Variants in PPP3CB observed in about 807,000 individuals in gnomAD.
PPP3CB encodes the protein protein phosphatase 3 catalytic subunit beta.
In PPP3CB, 8 loss-of-function variants were observed where a neutral mutation model predicts 66.4. The observed-to-expected ratio is 0.12, with a 90% CI of 0.07 to 0.22. The LOEUF (loss-of-function observed/expected upper bound fraction) is 0.22, where lower values mean the gene tolerates loss of function less well. Among genes scored for constraint, PPP3CB ranks in the 10% least tolerant of loss-of-function variants. The pLI, the probability that PPP3CB is intolerant of heterozygous loss-of-function variation, is 1.00. For synonymous variants in PPP3CB, 208 were observed against 221.2 expected, an observed-to-expected ratio of 0.94 and a Z score of 0.53; for missense variants, 319 against 642.5, an observed-to-expected ratio of 0.50 and a Z score of 5.44.
chr10:73,485,941 TGTGTGTG>T (rs2056966469), intron 1 of PPP3CB, among the ~76,000 whole-genome samples: 2 of 141,432 alleles, frequency 1.4e-5, no homozygotes, highest in Admixed American at 1.5e-4. Context: ...TGTGTGTGTG[TGTGTGTG>T]TGTATTTTTT....
chr10:73,485,447 T>C lies in PPP3CB; in HGVS notation c.86-5930A>G, dbSNP rs142806076. 1.2e-4 allele frequency among the ~76,000 whole-genome samples: 18 copies of C among 152,266 alleles called. No individual in the cohort carries two copies. The East Asian group carries it at 3.5e-3, about 29-fold the overall frequency. On this transcript the variant is annotated intron_variant, in intron 1 of 13. Coordinates refer to ENST00000360663, the MANE Select transcript of PPP3CB (RefSeq NM_021132.4). The stretch of plus-strand genomic sequence containing the variant: ...TAAGCAAGGACTGCCCTCTTAGCCC[T>C]ATGAGGCCTCTGACTTCAACGGGGG...
rs1564547013 is a variant in PPP3CB at position 73,443,282 on chromosome 10, A to AGAC, written c.1366+1442_1366+1443insGTC. ...AGAGAGAGAGAGAAAGAAAGAAAGA[A>AGAC]AGACAGAAAGAAAGAAAGAAAGAAA... is the stretch of plus-strand genomic sequence containing the variant. On this transcript the variant is annotated intron_variant, in intron 12 of 13. Coordinates refer to ENST00000360663, the MANE Select transcript of PPP3CB (RefSeq NM_021132.4). 6.8e-3 allele frequency among the ~76,000 whole-genome samples: 769 copies of AGAC among 112,562 alleles called. 12 individuals are homozygous for AGAC. The highest frequency in any genetic ancestry group is 0.025 in the African/African-American group (729 of 29,670). 73.8% of individuals were successfully genotyped at this position (112,562 alleles called of 152,430 possible). A position where few individuals can be genotyped will look rare whatever the true frequency, so the allele number is the denominator to read the frequency against.
chr10:73,447,873 A>C (rs2056282675), intron 10 of PPP3CB, among the ~76,000 whole-genome samples: 1 of 151,774 alleles, frequency 6.6e-6, no homozygotes, highest in African/African-American at 2.4e-5. Context: ...CAGCACTCTA[A>C]ACAGGTATTT....
intron 13 of PPP3CB, among the ~76,000 whole-genome samples, 200 bp from the exon 14 acceptor site, chr10:73,438,620 C>A (rs970771051): frequency 2.6e-5 from 4 of 152,112 alleles, no homozygotes; most frequent in African/African-American, 7.2e-5. Flanking sequence ...AACATCATAG[C>A]TTTATAGGTG....
At chr10:73,493,820 C>CCA (rs762184196) in intron 1 of PPP3CB, among the ~76,000 whole-genome samples, 6 of 152,168 alleles carry the variant, frequency 3.9e-5, no homozygotes, top group Non-Finnish European at 7.4e-5. Context: ...GGCTTTTATT[C>CCA]CACACCAATA....
At chr10:73,449,687 AT>A in intron 10 of PPP3CB, among the ~76,000 whole-genome samples, 1 of 152,332 alleles carries the variant, frequency 6.6e-6, no homozygotes, top group East Asian at 1.9e-4. Flanking sequence ...GGGTTTATAC[AT>A]TAGTGTTAAT....
chr10:73,471,387 G>T, intron 5 of PPP3CB, 81 bp downstream of exon 5: 1 of 1,440,532 alleles, frequency 6.9e-7, no homozygotes, highest in South Asian at 1.4e-5. Flanking sequence ...TCTTGGCAGT[G>T]AAGTGAAGTT....
At position 73,484,419 on chromosome 10, in the gene PPP3CB, T is replaced by A. The variant is rs555272739; in HGVS notation, c.86-4902A>T. Among the ~76,000 whole-genome samples, 16 of 151,930 alleles carry A rather than the reference T, an allele frequency of 1.1e-4. No individual in the cohort carries two copies. The South Asian group carries it at 3.3e-3, about 32-fold the overall frequency. Reference sequence around the variant, plus strand: ...CCGAGTAGCTGGGACTACAGGCACCTGCCACCACGCCCAGCTAATGTTTTT... The same window carrying A: ...CCGAGTAGCTGGGACTACAGGCACCAGCCACCACGCCCAGCTAATGTTTTT... On this transcript the variant is annotated intron_variant, in intron 1 of 13. Transcript: ENST00000360663.
At chr10:73,485,954 T>TGTGTGTGTGTGTG (rs1564569447) in intron 1 of PPP3CB, among the ~76,000 whole-genome samples, 1 of 87,834 alleles carries the variant, frequency 1.1e-5, no homozygotes, top group East Asian at 1.9e-3. Flanking sequence ...GTGTGTGTAT[T>TGTGTGTGTGTGTG]TTTTTTTTTC....
At chr10:73,477,275 C>A (rs2056805822) in intron 3 of PPP3CB, 1 of 511,376 alleles carries the variant, frequency 2.0e-6, no homozygotes, top group Non-Finnish European at 3.9e-6. Flanking sequence ...CACAATTCTA[C>A]CTCTAGGAAT....
intron 1 of PPP3CB, among the ~76,000 whole-genome samples, chr10:73,485,444 CCCTATGAGG>C (rs2133011212): frequency 6.6e-6 from 1 of 152,268 alleles, no homozygotes; most frequent in Non-Finnish European, 1.5e-5. Flanking sequence ...GCCCTCTTAG[CCCTATGAGG>C]CCTCTGACTT....
At chr10:73,489,870 CT>C (rs1441088123) in intron 1 of PPP3CB, among the ~76,000 whole-genome samples, 1 of 152,168 alleles carries the variant, frequency 6.6e-6, no homozygotes, top group Non-Finnish European at 1.5e-5. Flanking sequence ...TCTAGCCCCA[CT>C]TTCTGGTGAA....
rs16930648 is a variant in PPP3CB, at chr10:73,472,104, G to A, written c.524-491C>T. ...ATTTGCTCTCTCTAAAATTATTCTCGATGATGTTATGTCTTATGAAGCAAA... is the reference window on the plus strand; with the variant it reads ...ATTTGCTCTCTCTAAAATTATTCTCAATGATGTTATGTCTTATGAAGCAAA... On this transcript the variant is annotated intron_variant, in intron 4 of 13. Coordinates refer to ENST00000360663, the MANE Select transcript of PPP3CB (RefSeq NM_021132.4). Among the ~76,000 whole-genome samples the A allele has an allele frequency of 5.7e-3, 865 of 152,152 alleles. 12 individuals carry two copies. Among genetic ancestry groups the A allele is most frequent in the East Asian group, 0.041 (213 of 5,192 alleles).
chr10:73,458,562 G>A (rs2056467977), intron 9 of PPP3CB, among the ~76,000 whole-genome samples: 1 of 151,902 alleles, frequency 6.6e-6, no homozygotes, highest in African/African-American at 2.4e-5. Context: ...AGCACCCTGG[G>A]AGGCCAAAGC....
Position 73,443,260 on chromosome 10 carries a change from G to T in PPP3CB, c.1366+1465C>A, listed in dbSNP as rs1483228768. Among the ~76,000 whole-genome samples, 3 of 133,674 alleles carry T rather than the reference G, an allele frequency of 2.2e-5. No individual in the cohort carries two copies. The East Asian group carries it at 6.2e-4, about 28-fold the overall frequency. The allele number at this position is 133,674 out of a possible 152,430, so 87.7% of individuals were successfully genotyped here. A position where few individuals can be genotyped will look rare whatever the true frequency, so the allele number is the denominator to read the frequency against. On this transcript the variant is annotated intron_variant, in intron 12 of 13. Transcript: ENST00000360663. ...AGAGAGAGAGAGAGAAAGAGAGAGA[G>T]AGAGAGAGAAAGAAAGAAAGAAAGA...
Position 73,478,520 on chromosome 10 carries a change from G to A in PPP3CB, c.390C>T (p.Asp130=). The change falls in exon 3 of 14, where the codon GAC becomes GAT. Residue 130 remains aspartate (D), a synonymous_variant. Coordinates refer to ENST00000360663, the MANE Select transcript of PPP3CB (RefSeq NM_021132.4). ...TRYLFLGDYV[D]RGYFSIECVL... ...TTACCTCTATACTAAAATAACCTCT[G>A]TCCACATAATCGCCAAGAAAAAGGT... 6.2e-7 allele frequency: 1 copy of A among 1,609,332 alleles called. No individual in the cohort carries two copies. The highest frequency in any genetic ancestry group is 8.5e-7 in the Non-Finnish European group (1 of 1,175,932).
rs78003264 is a variant in PPP3CB at position 73,488,099 on chromosome 10, C to G, written c.85+7706G>C. Among the ~76,000 whole-genome samples, 1,168 of 152,200 alleles carry G rather than the reference C, an allele frequency of 7.7e-3. 19 individuals are homozygous for G. The highest frequency in any genetic ancestry group is 0.026 in the African/African-American group (1,092 of 41,512). On this transcript the variant is annotated intron_variant, in intron 1 of 13. Coordinates refer to ENST00000360663, the MANE Select transcript of PPP3CB (RefSeq NM_021132.4). ...CTCCCATTTCACAAATGATAGATAA[C>G]AGGTTCAGAGACATTAAGTTGCTTC... is the stretch of plus-strand genomic sequence containing the variant.
intron 3 of PPP3CB, 86 bp from the exon 4 acceptor site, chr10:73,475,116 C>G (rs2056766857): frequency 6.9e-7 from 1 of 1,445,556 alleles, no homozygotes; most frequent in South Asian, 1.5e-5. Context: ...CCTCTACTAC[C>G]CTTACCATCC....
chr10:73,454,083 T>C (rs1444615800), intron 10 of PPP3CB, among the ~76,000 whole-genome samples: 2 of 152,198 alleles, frequency 1.3e-5, no homozygotes, highest in African/African-American at 4.8e-5. Context: ...ATAAAACAAA[T>C]AGTATTTTTA....
Sources: gnomAD v4.1 joint callset for allele counts (sites outside exome capture counted in the v4.1 genomes callset) on GRCh38, gnomAD v4.1.1 for gene constraint, MANE v1.5 for transcripts, NCBI Gene and HGNC (gene_info 2026-07-23, HGNC 2026-07-21) for gene names.